The following JAKMIP1 variants were observed in gnomAD, a reference collection of about 807,000 sequenced individuals.
JAKMIP1 encodes the protein janus kinase and microtubule interacting protein 1, also known as janus kinase and microtubule-interacting protein 1.
In JAKMIP1, 33 loss-of-function variants were observed where a neutral mutation model predicts 113.0. That is an observed-to-expected ratio of 0.29 (90% CI 0.22 to 0.39). The LOEUF is 0.39. Among genes scored for constraint, JAKMIP1 ranks in the 10% least tolerant of loss-of-function variants. The probability of loss-of-function intolerance (pLI) is 1.00; values close to 1 mark genes in which losing one functional copy is unlikely to be tolerated. For missense variants in JAKMIP1, 813 were observed against 1,080.5 expected, an observed-to-expected ratio of 0.75 and a Z score of 3.47; for synonymous variants, 480 against 459.9, an observed-to-expected ratio of 1.04 and a Z score of -0.56.
chr4:6,072,687 C>T (rs1339539591), intron 8 of JAKMIP1, among the ~76,000 whole-genome samples: 1 of 152,170 alleles, frequency 6.6e-6, no homozygotes, highest in Non-Finnish European at 1.5e-5. Context: ...CACCATCCAG[C>T]CCTCATGAGC....
chr4:6,032,176 G>A (rs191224677), intron 19 of JAKMIP1, among the ~76,000 whole-genome samples: 293 of 152,320 alleles, frequency 1.9e-3, no homozygotes, highest in African/African-American at 6.5e-3. Flanking sequence ...CCATGACACC[G>A]AGGGTGAAAT....
At chr4:6,170,352 C>CCACCACCACCACCTCTATCACCACCAT (rs1560315663) in intron 1 of JAKMIP1, among the ~76,000 whole-genome samples, 1 of 145,540 alleles carries the variant, frequency 6.9e-6, no homozygotes. Flanking sequence ...CTTCTCACCA[C>CCACCACCACCACCTCTATCACCACCAT]CACCACCACC....
chr4:6,137,201 C>A lies in JAKMIP1; in HGVS notation c.-147-24204G>T, dbSNP rs769942949. 3.9e-5 allele frequency among the ~76,000 whole-genome samples: 6 copies of A among 152,212 alleles called. No homozygotes were observed. The highest frequency in any genetic ancestry group is 8.8e-5 in the Non-Finnish European group (6 of 68,034). Reference sequence around the variant, plus strand: ...ATAGGGCTTGGAATCGAGCCACATGCAGCTCTGCCTCCTCCACCTGACAGG... The same window carrying A: ...ATAGGGCTTGGAATCGAGCCACATGAAGCTCTGCCTCCTCCACCTGACAGG... On this transcript the variant is annotated intron_variant, in intron 1 of 20. Transcript: ENST00000409021. This position sits in a 1 kb window ranked among gnomAD's most constrained non-coding sequence, Gnocchi z 4.5.
intron 8 of JAKMIP1, 63 bp downstream of exon 8, chr4:6,078,876 C>T: frequency 2.0e-6 from 3 of 1,529,918 alleles, no homozygotes; most frequent in Non-Finnish European, 2.7e-6. Context: ...CTCCACGACC[C>T]ATCTGCCCTG....
At chr4:6,132,128 G>A (rs763910515) in intron 1 of JAKMIP1, among the ~76,000 whole-genome samples, 14 of 152,144 alleles carry the variant, frequency 9.2e-5, no homozygotes, top group Non-Finnish European at 1.6e-4. Flanking sequence ...GTAATTGATG[G>A]GTACAGCTTA....
Position 6,067,482 on chromosome 4 carries a change from G to A in JAKMIP1, c.1303-2474C>T, listed in dbSNP as rs1006976667. ...TCCCCTCTGGATGAGAACCCCACCC[G>A]ACTTCAGGCATCATGGACTCTTCCA... On this transcript the variant is annotated intron_variant, in intron 8 of 20. Coordinates refer to ENST00000409021, the MANE Select transcript of JAKMIP1 (RefSeq NM_001099433.2). This position sits in a 1 kb window ranked among gnomAD's most constrained non-coding sequence, Gnocchi z 4.6. Among the ~76,000 whole-genome samples the A allele has an allele frequency of 3.9e-5, 6 of 152,152 alleles. No individual in the cohort carries two copies. Among genetic ancestry groups the A allele is most frequent in the South Asian group, 2.1e-4 (1 of 4,834 alleles).
chr4:6,037,467 G>A (rs1713654576), intron 18 of JAKMIP1, among the ~76,000 whole-genome samples: 1 of 125,412 alleles, frequency 8.0e-6, no homozygotes, highest in African/African-American at 3.6e-5. Flanking sequence ...CTCCATCACT[G>A]AGGCAGAGGC....
rs940025086 is a variant in JAKMIP1 at position 6,154,923 on chromosome 4, C to T, written c.-147-41926G>A. Among the ~76,000 whole-genome samples the T allele has an allele frequency of 2.0e-5, 3 of 152,138 alleles. No homozygotes were observed. Among genetic ancestry groups the T allele is most frequent in the Non-Finnish European group, 2.9e-5 (2 of 68,028 alleles). ...GACCCTCTCACTCCACAAACCAACA[C>T]AGAGCACGCAGGGAAAGGTGCGGGG... On this transcript the variant is annotated intron_variant, in intron 1 of 20. Transcript: ENST00000409021. The surrounding 1 kb of genome is among the most constrained non-coding windows in gnomAD (Gnocchi z 4.2).
At chr4:6,152,791 T>TATATATATATATATATATATATATATAC (rs1553854426) in intron 1 of JAKMIP1, among the ~76,000 whole-genome samples, 6 of 109,576 alleles carry the variant, frequency 5.5e-5, no homozygotes, top group African/African-American at 1.9e-4. Flanking sequence ...AAAATACAAA[T>TATATATATATATATATATATATATATAC]ATATATATAT....
At chr4:6,029,600 C>T (rs2108741328) in intron 20 of JAKMIP1, 116 bp downstream of exon 20, 1 of 696,552 alleles carries the variant, frequency 1.4e-6, no homozygotes. Context: ...GGAAGAAGGG[C>T]AGAGAAAGGA....
intron 8 of JAKMIP1, among the ~76,000 whole-genome samples, chr4:6,073,609 GGAA>G (rs1298327429): frequency 1.3e-5 from 2 of 152,308 alleles, no homozygotes; most frequent in African/African-American, 4.8e-5. Context: ...ATAAGGTAAA[GGAA>G]GAAGGAGACA....
At chr4:6,195,434 T>C (rs1237169441) in intron 1 of JAKMIP1, among the ~76,000 whole-genome samples, 1 of 152,190 alleles carries the variant, frequency 6.6e-6, no homozygotes, top group Non-Finnish European at 1.5e-5. Flanking sequence ...ATTTAGTACA[T>C]TAACCATGAT....
At position 6,141,492 on chromosome 4, in the gene JAKMIP1, T is replaced by C. The variant is rs1720145071; in HGVS notation, c.-147-28495A>G. Among the ~76,000 whole-genome samples the C allele has an allele frequency of 6.6e-6, 1 of 151,954 alleles. No individual in the cohort carries two copies. Among genetic ancestry groups the C allele is most frequent in the Non-Finnish European group, 1.5e-5 (1 of 67,976 alleles). On this transcript the variant is annotated intron_variant, in intron 1 of 20. Transcript: ENST00000409021. The surrounding 1 kb of genome is among the most constrained non-coding windows in gnomAD (Gnocchi z 9.4). ...AAACAAACAAACACAAAAAACAAAG[T>C]GGTAGATGAAACCCTTCCTGGGTTG...
Position 6,142,828 on chromosome 4 carries a change from C to T in JAKMIP1, c.-147-29831G>A, listed in dbSNP as rs1418406676. Among the ~76,000 whole-genome samples, 1 of 152,186 alleles carries T rather than the reference C, an allele frequency of 6.6e-6. No individual in the cohort carries two copies. Among genetic ancestry groups the T allele is most frequent in the Non-Finnish European group, 1.5e-5 (1 of 68,030 alleles). ...ACAAATGGCATCACAGGATTTTCAA[C>T]AACTTCATTGCTTACAGGTGAGGAA... On this transcript the variant is annotated intron_variant, in intron 1 of 20. Coordinates refer to ENST00000409021, the MANE Select transcript of JAKMIP1 (RefSeq NM_001099433.2). The surrounding 1 kb of genome is among the most constrained non-coding windows in gnomAD (Gnocchi z 5.5).
intron 2 of JAKMIP1, 29 bp from the exon 3 acceptor site, chr4:6,105,996 C>A: frequency 2.0e-6 from 2 of 1,025,204 alleles, no homozygotes; most frequent in Non-Finnish European, 2.8e-6. Flanking sequence ...GAGAGCCGGT[C>A]AGGGTCAGGG....
At chr4:6,123,057 C>T (rs1716931434) in intron 1 of JAKMIP1, among the ~76,000 whole-genome samples, 1 of 152,226 alleles carries the variant, frequency 6.6e-6, no homozygotes, top group Non-Finnish European at 1.5e-5. Context: ...AAAGATGTCA[C>T]TTGTTAACAT....
At chr4:6,124,353 A>G (rs1381253237) in intron 1 of JAKMIP1, among the ~76,000 whole-genome samples, 2 of 152,168 alleles carry the variant, frequency 1.3e-5, no homozygotes, top group Admixed American at 6.5e-5. Flanking sequence ...CAGCACATTC[A>G]GGAGTACTTA....
At chr4:6,066,525 A>C (rs1257442817) in intron 8 of JAKMIP1, among the ~76,000 whole-genome samples, 3 of 152,022 alleles carry the variant, frequency 2.0e-5, no homozygotes, top group African/African-American at 7.2e-5. Context: ...CCTTTATGGC[A>C]TTGTGGAATC....
intron 8 of JAKMIP1, among the ~76,000 whole-genome samples, chr4:6,071,745 T>C (rs1413145908): frequency 2.0e-5 from 3 of 152,162 alleles, no homozygotes; most frequent in South Asian, 4.1e-4. Flanking sequence ...GCACAGACGG[T>C]GTGTGTGCTT....
Sources: gnomAD v4.1 joint callset for allele counts (sites outside exome capture counted in the v4.1 genomes callset) on GRCh38, gnomAD v4.1.1 for gene constraint, Gnocchi (gnomAD v3.1) non-coding constraint, MANE v1.5 for transcripts, NCBI Gene and HGNC (gene_info 2026-07-23, HGNC 2026-07-21) for gene names.